The following TDRD12 variants were observed in gnomAD, a reference collection of about 807,000 sequenced individuals.
TDRD12 encodes the protein tudor domain containing 12.
A neutral mutation model predicts 133.5 loss-of-function variants in TDRD12; 158 were observed. The observed-to-expected ratio is 1.18, with a 90% CI of 1.04 to 1.35. The LOEUF is 1.35. TDRD12 is among the 40% of genes most tolerant of loss of function. The pLI is 0.00. For synonymous variants in TDRD12, 460 were observed against 477.9 expected (o/e 0.96, Z 0.49); for missense variants, 1,443 against 1,321.3 (o/e 1.09, Z -1.43).
At chr19:32,761,293 T>C (rs912948525) in intron 8 of TDRD12, among the ~76,000 whole-genome samples, 4 of 151,994 alleles carry the variant, frequency 2.6e-5, no homozygotes, top group Non-Finnish European at 4.4e-5. Context: ...TTTTTTATTT[T>C]TTTATTTTTT....
At chr19:32,772,789 A>G in exon 9 of TDRD12, 2 of 1,517,356 alleles carry the variant, frequency 1.3e-6, no homozygotes, top group Non-Finnish European at 1.8e-6. Flanking sequence ...TCATTGAGAG[A>G]TTCACCTAAA....
rs984058627 is a variant in TDRD12 at position 32,771,151 on chromosome 19, G to T, written c.866-1602G>T. Among the ~76,000 whole-genome samples, 4 of 152,128 alleles carry T rather than the reference G, an allele frequency of 2.6e-5. No individual in the cohort carries two copies. The South Asian group carries it at 6.2e-4, about 24-fold the overall frequency. ...CTGTCAAGAGAGGAAGAGAGAAAGT[G>T]GAGGGAGTGCTAGGCTATTTATTTA... On this transcript the variant is annotated intron_variant, in intron 8 of 27. Coordinates refer to ENST00000444215, the Ensembl canonical transcript of TDRD12.
At chr19:32,775,264 G>A (rs775552609) in intron 10 of TDRD12, among the ~76,000 whole-genome samples, 1 of 152,076 alleles carries the variant, frequency 6.6e-6, no homozygotes, top group Non-Finnish European at 1.5e-5. Flanking sequence ...TGATCTGTCT[G>A]TACATTCATT....
At position 32,789,333 on chromosome 19, in the gene TDRD12, C is replaced by CT. The variant is rs578008108; in HGVS notation, c.1122-1192dup. On this transcript the variant is annotated intron_variant, in intron 11 of 27. Coordinates refer to ENST00000444215, the Ensembl canonical transcript of TDRD12. ...TTTTTTGAAATATGATTCATGTACC[C>CT]TTTTTTCAAGTGTACAATTCAGTGA... Among the ~76,000 whole-genome samples, 1,172 of 152,238 alleles carry CT rather than the reference C, an allele frequency of 7.7e-3. 7 individuals are homozygous for CT. Among genetic ancestry groups the CT allele is most frequent in the Admixed American group, 0.022 (338 of 15,296 alleles).
At chr19:32,806,180 A>T (rs1971542636) in intron 21 of TDRD12, among the ~76,000 whole-genome samples, 1 of 152,186 alleles carries the variant, frequency 6.6e-6, no homozygotes, top group South Asian at 2.1e-4. Context: ...ACGCAACACC[A>T]CTGCGTGATA....
chr19:32,802,423 G>T (rs919187058), intron 19 of TDRD12, among the ~76,000 whole-genome samples: 1 of 151,604 alleles, frequency 6.6e-6, no homozygotes. Context: ...CATATGGGCC[G>T]CTTGGATTTG....
exon 15 of TDRD12, chr19:32,797,780 A>G: frequency 1.4e-6 from 1 of 701,134 alleles, no homozygotes; most frequent in Non-Finnish European, 2.6e-6. Context: ...GGCCCAATTT[A>G]TTTTTGAATT....
chr19:32,732,634 A>G (rs1436761037), intron 2 of TDRD12, among the ~76,000 whole-genome samples: 2 of 152,180 alleles, frequency 1.3e-5, no homozygotes, highest in Non-Finnish European at 2.9e-5. Flanking sequence ...GCCCCTTGTC[A>G]TGGTTGCCAC....
chr19:32,823,103 G>A (rs1160942805), downstream of TDRD12, among the ~76,000 whole-genome samples: 4 of 152,128 alleles, frequency 2.6e-5, no homozygotes, highest in Non-Finnish European at 5.9e-5. Flanking sequence ...TCCTGGGAGG[G>A]TGGACCCTGC....
At chr19:32,742,868 C>T in exon 4 of TDRD12, 1 of 1,551,780 alleles carries the variant, frequency 6.4e-7, no homozygotes, top group Non-Finnish European at 8.7e-7. Flanking sequence ...TCACATTACA[C>T]ATTGACTTCT....
chr19:32,811,109 T>G, intron 23 of TDRD12, 101 bp from the exon 24 acceptor site: 1 of 920,632 alleles, frequency 1.1e-6, no homozygotes, highest in Non-Finnish European at 1.6e-6. Flanking sequence ...AATCATGGCG[T>G]TTTGGAGTCT....
At chr19:32,765,566 G>T (rs1449286653) in intron 8 of TDRD12, among the ~76,000 whole-genome samples, 1 of 152,032 alleles carries the variant, frequency 6.6e-6, no homozygotes, top group African/African-American at 2.4e-5. Flanking sequence ...GCCATAAAAA[G>T]GATGAGTTCA....
chr19:32,810,182 A>T, exon 23 of TDRD12: 4 of 1,536,132 alleles, frequency 2.6e-6, no homozygotes, highest in Non-Finnish European at 3.5e-6. Context: ...TCAATGCTGA[A>T]ATGAATGAGT....
At chr19:32,803,064 C>T in exon 21 of TDRD12, 1 of 1,536,044 alleles carries the variant, frequency 6.5e-7, no homozygotes, top group Non-Finnish European at 8.7e-7. Flanking sequence ...GAGTTCACCG[C>T]AGGAGTTCTG....
At chr19:32,805,603 C>A (rs1971524588) in intron 21 of TDRD12, among the ~76,000 whole-genome samples, 1 of 151,980 alleles carries the variant, frequency 6.6e-6, no homozygotes, top group African/African-American at 2.4e-5. Flanking sequence ...AACTTTATAC[C>A]AGTATTACAC....
At chr19:32,759,594 G>C (rs1359558505) in intron 8 of TDRD12, among the ~76,000 whole-genome samples, 1 of 152,070 alleles carries the variant, frequency 6.6e-6, no homozygotes, top group Non-Finnish European at 1.5e-5. Flanking sequence ...ACTCCAGCCT[G>C]GGCGAGTGAG....
At chr19:32,755,327 G>A (rs187974453) in intron 6 of TDRD12, among the ~76,000 whole-genome samples, 198 of 152,310 alleles carry the variant, frequency 1.3e-3, no homozygotes, top group African/African-American at 4.4e-3. Flanking sequence ...TTTCCAAAGT[G>A]GTGGACTATT....
chr19:32,755,039 G>A (rs1969952120), intron 6 of TDRD12, among the ~76,000 whole-genome samples: 1 of 152,152 alleles, frequency 6.6e-6, no homozygotes. Flanking sequence ...TGTGTCCCAA[G>A]GTGTTTTCTT....
intron 1 of TDRD12, among the ~76,000 whole-genome samples, chr19:32,721,509 C>A (rs1968663853): frequency 6.6e-6 from 1 of 151,794 alleles, no homozygotes; most frequent in African/African-American, 2.4e-5. Flanking sequence ...CCTCAGCCTC[C>A]CGAGTAGCTG....
Sources: gnomAD v4.1 joint callset for allele counts (sites outside exome capture counted in the v4.1 genomes callset) on GRCh38, gnomAD v4.1.1 for gene constraint, MANE v1.5 for transcripts, NCBI Gene and HGNC (gene_info 2026-07-23, HGNC 2026-07-21) for gene names.